The following CCDC59 variants were observed in gnomAD, a reference collection of about 807,000 sequenced individuals.
CCDC59 encodes the protein coiled-coil domain containing 59.
CCDC59 carries 27 observed loss-of-function variants against 30.5 expected under a neutral mutation model. That is an observed-to-expected ratio of 0.89 (90% CI 0.65 to 1.22). The LOEUF (loss-of-function observed/expected upper bound fraction) is 1.22, where lower values mean the gene tolerates loss of function less well. CCDC59 is among the 50% of genes most tolerant of loss of function. The pLI, the probability that CCDC59 is intolerant of heterozygous loss-of-function variation, is 0.00. For synonymous variants in CCDC59, 125 were observed against 100.9 expected, an observed-to-expected ratio of 1.24 and a Z score of -1.43; for missense variants, 362 against 284.4, an observed-to-expected ratio of 1.27 and a Z score of -1.96.
At chr12:82,358,020 G>A (rs1171756787) in intron 1 of CCDC59, among the ~76,000 whole-genome samples, 2 of 152,208 alleles carry the variant, frequency 1.3e-5, no homozygotes, top group African/African-American at 2.4e-5. Flanking sequence ...CGTCAGAAAA[G>A]ACGTTTAAAT....
At chr12:82,358,193 G>A (rs747159510) in intron 1 of CCDC59, 30 bp downstream of exon 1, 4 of 1,613,492 alleles carry the variant, frequency 2.5e-6, no homozygotes, top group African/African-American at 1.3e-5. Flanking sequence ...GCAAGCCTGA[G>A]GATTTGCAAA....
upstream of CCDC59, chr12:82,358,688 C>G (rs528991348): frequency 3.1e-6 from 5 of 1,614,204 alleles, no homozygotes; most frequent in Non-Finnish European, 4.2e-6. Flanking sequence ...CCGTGGATTT[C>G]TACACAGAAT....
rs549504387 is a variant in CCDC59, at chr12:82,356,685, A to G, written c.464+275T>C. Among the ~76,000 whole-genome samples, 3 of 152,318 alleles carry G rather than the reference A, an allele frequency of 2.0e-5. No homozygotes were observed. The South Asian group carries it at 6.2e-4, about 32-fold the overall frequency. ...TTTTTCAAAAATATAGTCATAACAT[A>G]TGGTCCAATCAAGTTACCACCTGTA... On this transcript the variant is annotated intron_variant, in intron 2 of 3. Transcript: ENST00000256151.
At position 82,356,966 on chromosome 12, in the gene CCDC59, G is replaced by GTT; in HGVS notation, c.456_457dup (p.Thr153LysfsTer3). On this transcript the variant is annotated frameshift_variant, in exon 2 of 4. Transcript: ENST00000256151. LOFTEE classifies it high-confidence loss of function. ...AAATGAAGAAAATACATACTTTACT[G>GTT]TTTTAATACATTGTTCTTCTGGCTG... is the stretch of plus-strand genomic sequence containing the variant. 6.2e-7 allele frequency: 1 copy of GTT among 1,609,194 alleles called. No individual in the cohort carries two copies. The highest frequency in any genetic ancestry group is 8.5e-7 in the Non-Finnish European group (1 of 1,175,854).
At chr12:82,358,524 CG>C, upstream of CCDC59, 1 of 1,599,914 alleles carries the variant, frequency 6.3e-7, no homozygotes, top group Non-Finnish European at 8.5e-7. Context: ...TGGCGCCTCA[CG>C]GCCATGTTTG....
At chr12:82,358,069 C>A (rs1881186022) in intron 1 of CCDC59, among the ~76,000 whole-genome samples, 154 bp downstream of exon 1, 1 of 152,212 alleles carries the variant, frequency 6.6e-6, no homozygotes, top group Non-Finnish European at 1.5e-5. Context: ...TAGAGCTCTG[C>A]GAAGCTCACA....
rs1880876182 is a variant in CCDC59, at chr12:82,353,091, G to A, written c.*60C>T. On this transcript the variant is annotated 3_prime_UTR_variant, in exon 4 of 4. Transcript: ENST00000256151. The stretch of plus-strand genomic sequence containing the variant: ...GACAAATTTAGTTCACTGCTGGGAG[G>A]CACATGTCACAGAAGAACCTAATAG... The A allele has an allele frequency of 3.0e-6, 4 of 1,348,754 alleles. No homozygotes were observed. The Middle Eastern group carries it at 8.1e-4, about 273-fold the overall frequency. 83.5% of individuals were successfully genotyped at this position (1,348,754 alleles called of 1,614,324 possible).
In CCDC59 at chr12:82,353,208, T is replaced by C; in HGVS notation, c.669A>G (p.Gln223=). The part of the protein sequence containing the change: ...KILNKKTKKG[Q]PNLNVQMEYL... Reference sequence around the variant, plus strand: ...ACTCCATTTGTACATTCAAGTTTGGTTGGCCCTTTTTAGTCTTTTTGTTCA... The same window carrying C: ...ACTCCATTTGTACATTCAAGTTTGGCTGGCCCTTTTTAGTCTTTTTGTTCA... Residue 223 remains glutamine (Q), a synonymous_variant, in exon 4 of 4, where the codon CAA becomes CAG. Coordinates refer to ENST00000256151, the MANE Select transcript of CCDC59 (RefSeq NM_014167.5). The C allele has an allele frequency of 3.1e-6, 5 of 1,612,192 alleles. No individual in the cohort carries two copies. Among genetic ancestry groups the C allele is most frequent in the East Asian group, 2.2e-5 (1 of 44,806 alleles).
rs946781338 is a variant in CCDC59 at position 82,353,187 on chromosome 12, C to T, written c.690G>A (p.Met230Ile). 13 of 1,608,122 alleles carry T rather than the reference C, an allele frequency of 8.1e-6. No individual in the cohort carries two copies. In the African/African-American group the frequency reaches 1.6e-4, roughly 20 times the overall value. The change falls in exon 4 of 4, where the codon ATG becomes ATA. Residue 230 changes from methionine (M) to isoleucine (I), a missense_variant. Physicochemically the swap from Met to Ile is conservative, Grantham distance 10 (BLOSUM62 1). Transcript: ENST00000256151. ...KKGQPNLNVQMEYLLQKIQEK... is the reference protein window; with the variant it reads ...KKGQPNLNVQIEYLLQKIQEK... ...CTTGTATTTTTTGAAGAAGGTACTC[C>T]ATTTGTACATTCAAGTTTGGTTGGC... is the stretch of plus-strand genomic sequence containing the variant.
upstream of CCDC59, chr12:82,358,394 G>A (rs762241124): frequency 6.2e-7 from 1 of 1,612,004 alleles, no homozygotes; most frequent in African/African-American, 1.3e-5. Context: ...GACTAACTGC[G>A]TCATCAGAAG....
At position 82,358,338 on chromosome 12, in the gene CCDC59, A is replaced by G. The variant is rs773800297; in HGVS notation, c.39T>C (p.Gly13=). 3.7e-6 allele frequency: 6 copies of G among 1,613,662 alleles called. No homozygotes were observed. Among genetic ancestry groups the G allele is most frequent in the Middle Eastern group, 1.6e-4 (1 of 6,084 alleles). ...PVRRSAKWRP[G]GIEARGEGVS... is the part of the protein sequence containing the mutation. ...CCCCTTCACCACGCGCCTCAATACC[A>G]CCAGGCCGCCACTTCGCGGACCGCC... The change falls in exon 1 of 4, where the codon GGT becomes GGC. Residue 13 remains glycine, a synonymous_variant. Transcript: ENST00000256151.
At chr12:82,355,170 T>C in intron 2 of CCDC59, 1 of 152,434 alleles carries the variant, frequency 6.6e-6, no homozygotes, top group Admixed American at 6.5e-5. Flanking sequence ...TACTAATCAC[T>C]AGCGACTTTG....
At position 82,354,527 on chromosome 12, in the gene CCDC59, G is replaced by A. The variant is rs1880942122; in HGVS notation, c.532C>T (p.Gln178Ter). Residue 178 changes from glutamine to a stop codon, truncating the protein, a stop_gained, in exon 3 of 4, where the codon CAG (glutamine) becomes TAG (stop). Transcript: ENST00000256151. LOFTEE classifies it high-confidence loss of function. ...SNQKAQEEYEQIQAKRAAKKQ... is the reference protein window; with the variant it reads ...SNQKAQEEYE ...TTAGCAGCACGTTTGGCTTGTATCTGTTCATATTCTTCTTGTGCTTTTTGA... is the reference window on the plus strand; with the variant it reads ...TTAGCAGCACGTTTGGCTTGTATCTATTCATATTCTTCTTGTGCTTTTTGA... 4 of 1,602,248 alleles carry A rather than the reference G, an allele frequency of 2.5e-6. No individual in the cohort carries two copies. The highest frequency in any genetic ancestry group is 3.4e-6 in the Non-Finnish European group (4 of 1,173,302).
At chr12:82,357,995 T>C (rs1200488611) in intron 1 of CCDC59, among the ~76,000 whole-genome samples, 2 of 152,178 alleles carry the variant, frequency 1.3e-5, no homozygotes, top group Non-Finnish European at 2.9e-5. Flanking sequence ...AAAGTTCTGA[T>C]GAAATACAGG....
At chr12:82,358,118 T>G (rs1384920340) in intron 1 of CCDC59, 105 bp downstream of exon 1, 40 of 1,319,544 alleles carry the variant, frequency 3.0e-5, no homozygotes, top group Non-Finnish European at 3.9e-5. Context: ...TTGCCCCAAG[T>G]AGGACCGGGT....
In CCDC59 at chr12:82,353,201, A is replaced by T. The variant is rs761746857; in HGVS notation, c.676T>A (p.Leu226Met). The change falls in exon 4 of 4, where the codon TTG (leucine) becomes ATG (methionine). Residue 226 changes from leucine to methionine, a missense_variant. Leu to Met is a conservative substitution (Grantham distance 15). Transcript: ENST00000256151. ...AGAAGGTACTCCATTTGTACATTCA[A>T]GTTTGGTTGGCCCTTTTTAGTCTTT... The part of the protein sequence containing the change: ...NKKTKKGQPN[L>M]NVQMEYLLQK... 3.7e-6 allele frequency: 6 copies of T among 1,610,626 alleles called. No homozygotes were observed. The highest frequency in any genetic ancestry group is 5.1e-6 in the Non-Finnish European group (6 of 1,179,186).
chr12:82,353,402 A>T, intron 3 of CCDC59, 90 bp from the exon 4 acceptor site: 1 of 1,010,728 alleles, frequency 9.9e-7, no homozygotes, highest in Non-Finnish European at 1.4e-6. Context: ...CTAAGCAAAC[A>T]CTCTAAGGTT....
Position 82,357,203 on chromosome 12 carries a change from T to C in CCDC59, c.221A>G (p.Glu74Gly), listed in dbSNP as rs750588044. 6 of 1,614,210 alleles carry C rather than the reference T, an allele frequency of 3.7e-6. No homozygotes were observed. Among genetic ancestry groups the C allele is most frequent in the Non-Finnish European group, 5.1e-6 (6 of 1,180,030 alleles). ...TTCCAGTGACGTTTGAGCCTTCTTT[T>C]CCTTCCGTAGCAATTTCTTGTAACT... The part of the protein sequence containing the change: ...QQSYKKLLRK[E>G]KKAQTSLESQ... Residue 74 changes from glutamate to glycine, a missense_variant, in exon 2 of 4, where the codon GAA (glutamate) becomes GGA (glycine). Transcript: ENST00000256151.
Position 82,357,046 on chromosome 12 carries a change from T to C in CCDC59, c.378A>G (p.Glu126=). 1 of 1,614,216 alleles carries C rather than the reference T, an allele frequency of 6.2e-7. No individual in the cohort carries two copies. Among genetic ancestry groups the C allele is most frequent in the Non-Finnish European group, 8.5e-7 (1 of 1,180,030 alleles). Reference sequence around the variant, plus strand: ...ATAAAGGCTCGTCAATGCTACACTGTTCTTCAAGCAACGGCTGGTGAACTT... The same window carrying C: ...ATAAAGGCTCGTCAATGCTACACTGCTCTTCAAGCAACGGCTGGTGAACTT... ...SEQVHQPLLE[E]QCSIDEPLFE... The change falls in exon 2 of 4, where the codon GAA becomes GAG. Residue 126 remains glutamate, a synonymous_variant. Transcript: ENST00000256151.
Sources: gnomAD v4.1 joint callset for allele counts (sites outside exome capture counted in the v4.1 genomes callset) on GRCh38, gnomAD v4.1.1 for gene constraint, MANE v1.5 for transcripts, NCBI Gene and HGNC (gene_info 2026-07-23, HGNC 2026-07-21) for gene names.